The following CACNA2D3 variants were observed in gnomAD, a reference collection of about 807,000 sequenced individuals.
The protein encoded by CACNA2D3 is voltage-dependent calcium channel subunit alpha-2/delta-3.
CACNA2D3 carries 60 observed loss-of-function variants against 160.6 expected under a neutral mutation model. The ratio of observed to expected loss-of-function variants is 0.37; its 90% CI spans 0.30 to 0.46. The LOEUF (loss-of-function observed/expected upper bound fraction) is 0.46. CACNA2D3 is among the 20% of genes least tolerant of loss of function. The pLI, the probability that CACNA2D3 is intolerant of heterozygous loss-of-function variation, is 1.00. For missense variants in CACNA2D3, 1,205 were observed against 1,365.0 expected (o/e 0.88, Z 1.85); for synonymous variants, 558 against 492.9 (o/e 1.13, Z -1.75).
intron 2 of CACNA2D3, among the ~76,000 whole-genome samples, chr3:54,169,698 TGTGTGTGC>T (rs1700525700): frequency 7.5e-6 from 1 of 133,992 alleles, no homozygotes; most frequent in Non-Finnish European, 1.6e-5. Flanking sequence ...TGTGTGCATG[TGTGTGTGC>T]AAGTGTGCAT....
intron 5 of CACNA2D3, among the ~76,000 whole-genome samples, chr3:54,516,489 CAT>C (rs1189788838): frequency 1.3e-5 from 2 of 152,200 alleles, no homozygotes; most frequent in Non-Finnish European, 2.9e-5. Context: ...CATGCCCACA[CAT>C]GTAGATATTT....
At chr3:54,401,081 G>A (rs771426563) in intron 4 of CACNA2D3, among the ~76,000 whole-genome samples, 5 of 151,914 alleles carry the variant, frequency 3.3e-5, no homozygotes, top group Admixed American at 2.0e-4. Flanking sequence ...TGGAGCTGAA[G>A]AATTCAATGA....
intron 5 of CACNA2D3, among the ~76,000 whole-genome samples, chr3:54,559,015 C>T (rs1400012398): frequency 2.0e-5 from 3 of 152,030 alleles, no homozygotes; most frequent in Admixed American, 1.3e-4. Flanking sequence ...CCGGGAAGGA[C>T]CCAGTGAAAG....
At chr3:55,026,051 C>A (rs981296395) in intron 35 of CACNA2D3, among the ~76,000 whole-genome samples, 9 of 152,000 alleles carry the variant, frequency 5.9e-5, no homozygotes, top group Non-Finnish European at 2.9e-5. Context: ...CCTGCATAAC[C>A]AGCACCCTGG....
Position 54,550,026 on chromosome 3 carries a change from C to T in CACNA2D3, c.545-12774C>T, listed in dbSNP as rs186394987. On this transcript the variant is annotated intron_variant, in intron 5 of 37. Transcript: ENST00000474759. The stretch of plus-strand genomic sequence containing the variant: ...TGTGTACTCTCTAACTGGGTGTTGT[C>T]CTTTATTGTAAATGACTTGTCATCT... Among the ~76,000 whole-genome samples the T allele has an allele frequency of 7.2e-4, 109 of 152,278 alleles. 2 individuals carry two copies. In the East Asian group the frequency reaches 0.016, roughly 22 times the overall value.
chr3:54,747,549 T>G (rs1468167832), intron 11 of CACNA2D3, among the ~76,000 whole-genome samples: 1 of 152,124 alleles, frequency 6.6e-6, no homozygotes, highest in Admixed American at 6.6e-5. Context: ...ATGTATCAGC[T>G]CATGTCAGAC....
At chr3:54,623,404 T>C (rs1050559425) in intron 9 of CACNA2D3, among the ~76,000 whole-genome samples, 10 of 152,172 alleles carry the variant, frequency 6.6e-5, no homozygotes, top group Non-Finnish European at 1.0e-4. Flanking sequence ...ACTGTGGCCC[T>C]TGGGGTGGAA....
intron 5 of CACNA2D3, among the ~76,000 whole-genome samples, chr3:54,539,039 A>G (rs369740327): frequency 1.1e-4 from 17 of 152,206 alleles, no homozygotes; most frequent in African/African-American, 4.1e-4. Flanking sequence ...TTACATTAGT[A>G]CTCACCCTAG....
intron 35 of CACNA2D3, among the ~76,000 whole-genome samples, chr3:55,032,516 C>G (rs182489685): frequency 6.6e-6 from 1 of 152,238 alleles, no homozygotes; most frequent in Admixed American, 6.5e-5. Flanking sequence ...TCTTAGTCTT[C>G]CTCCCCCATT....
chr3:54,719,499 A>G (rs1701129362), intron 11 of CACNA2D3, among the ~76,000 whole-genome samples: 1 of 152,022 alleles, frequency 6.6e-6, no homozygotes, highest in Non-Finnish European at 1.5e-5. Context: ...TTCGTGGTAT[A>G]AATTCAACTT....
intron 25 of CACNA2D3, among the ~76,000 whole-genome samples, chr3:54,893,466 T>C (rs1024234662): frequency 6.6e-6 from 1 of 152,104 alleles, no homozygotes; most frequent in Non-Finnish European, 1.5e-5. Flanking sequence ...TGACATCTAT[T>C]GTCTTAGGGT....
At chr3:54,891,227 G>C in intron 24 of CACNA2D3, 128 bp from the exon 25 acceptor site, 1 of 588,092 alleles carries the variant, frequency 1.7e-6, no homozygotes, top group Non-Finnish European at 3.1e-6. Flanking sequence ...GTGTGTTTCT[G>C]TATCTTCTTT....
chr3:54,286,273 G>A (rs1259891320), intron 2 of CACNA2D3, among the ~76,000 whole-genome samples: 1 of 152,204 alleles, frequency 6.6e-6, no homozygotes, highest in Non-Finnish European at 1.5e-5. Context: ...CGAGAACTAC[G>A]TGAAGAATGC....
At chr3:54,875,210 C>T (rs1039478206) in intron 18 of CACNA2D3, 8 of 152,132 alleles carry the variant, frequency 5.3e-5, no homozygotes, top group African/African-American at 1.9e-4. Context: ...TGCTTGAGCT[C>T]TGGACACCCA....
At chr3:54,270,127 C>T (rs1387783775) in intron 2 of CACNA2D3, among the ~76,000 whole-genome samples, 1 of 152,154 alleles carries the variant, frequency 6.6e-6, no homozygotes, top group Non-Finnish European at 1.5e-5. Context: ...AAATTCTTCT[C>T]GTGTTCAGCA....
At chr3:54,987,611 C>A in intron 30 of CACNA2D3, 72 bp from the exon 31 acceptor site, 1 of 961,978 alleles carries the variant, frequency 1.0e-6, no homozygotes, top group South Asian at 1.6e-5. Flanking sequence ...AGACTGTGTC[C>A]CTTTTCATTT....
intron 11 of CACNA2D3, among the ~76,000 whole-genome samples, chr3:54,700,746 G>A (rs945012577): frequency 6.6e-6 from 1 of 152,130 alleles, no homozygotes; most frequent in Non-Finnish European, 1.5e-5. Context: ...CCTATGCATT[G>A]GGCTCTATGC....
intron 2 of CACNA2D3, among the ~76,000 whole-genome samples, chr3:54,191,047 C>CAA (rs35592309): frequency 0.017 from 1,797 of 103,534 alleles, 19 homozygotes; most frequent in Middle Eastern, 0.024. Context: ...TAGGTGGAAG[C>CAA]AAAAAAAAAA....
intron 13 of CACNA2D3, among the ~76,000 whole-genome samples, chr3:54,793,582 GTGATGA>G (rs1411801140): frequency 7.0e-6 from 1 of 142,478 alleles, no homozygotes; most frequent in Non-Finnish European, 1.6e-5. Context: ...ACCACTCTTG[GTGATGA>G]TGGGGCAAAA....
Sources: gnomAD v4.1 joint callset for allele counts (sites outside exome capture counted in the v4.1 genomes callset) on GRCh38, gnomAD v4.1.1 for gene constraint, MANE v1.5 for transcripts, NCBI Gene and HGNC (gene_info 2026-07-23, HGNC 2026-07-21) for gene names.